TPH2: variants seen among roughly 807,000 people sequenced by gnomAD.
The protein encoded by TPH2 is tryptophan hydroxylase 2.
TPH2 carries 27 observed loss-of-function variants against 59.1 expected under a neutral mutation model. That is an observed-to-expected ratio of 0.46 (90% CI 0.34 to 0.63). The LOEUF (loss-of-function observed/expected upper bound fraction) is 0.63. TPH2 is among the 30% of genes least tolerant of loss of function. The pLI is 0.01. For synonymous variants in TPH2, 220 were observed against 210.5 expected, an observed-to-expected ratio of 1.05 and a Z score of -0.39; for missense variants, 523 against 588.3, an observed-to-expected ratio of 0.89 and a Z score of 1.15.
At chr12:71,999,306 A>AGAAATGGT (rs1872765330) in intron 8 of TPH2, among the ~76,000 whole-genome samples, 1 of 152,208 alleles carries the variant, frequency 6.6e-6, no homozygotes, top group Non-Finnish European at 1.5e-5. Context: ...ATTTAAATGA[A>AGAAATGGT]CTCTTTTGTA....
chr12:71,954,403 A>G (rs1871436869), intron 5 of TPH2, among the ~76,000 whole-genome samples: 1 of 152,188 alleles, frequency 6.6e-6, no homozygotes, highest in African/African-American at 2.4e-5. Flanking sequence ...TCGAGAGGAC[A>G]CTTTCTAAAA....
intron 8 of TPH2, among the ~76,000 whole-genome samples, chr12:72,005,742 A>T (rs1872939364): frequency 1.3e-5 from 2 of 152,210 alleles, no homozygotes; most frequent in African/African-American, 2.4e-5. Flanking sequence ...GCTGTGGCTG[A>T]TAAGTTTTGT....
At chr12:71,940,552 C>G (rs1263990056) in intron 1 of TPH2, among the ~76,000 whole-genome samples, 1 of 152,100 alleles carries the variant, frequency 6.6e-6, no homozygotes, top group Non-Finnish European at 1.5e-5. Context: ...CACCATTTGC[C>G]AGGAGTTACT....
chr12:71,946,424 T>G (rs187500356), intron 4 of TPH2, among the ~76,000 whole-genome samples: 14 of 152,220 alleles, frequency 9.2e-5, no homozygotes, highest in Non-Finnish European at 2.1e-4. Context: ...GAGAAAAAAT[T>G]TATTCCAATA....
At chr12:71,959,963 T>G (rs1444091453) in intron 5 of TPH2, among the ~76,000 whole-genome samples, 1 of 152,200 alleles carries the variant, frequency 6.6e-6, no homozygotes, top group Non-Finnish European at 1.5e-5. Flanking sequence ...AAGGCAAATA[T>G]GTTTTCTCCC....
At chr12:72,023,919 A>G (rs1873499376) in intron 9 of TPH2, among the ~76,000 whole-genome samples, 1 of 152,066 alleles carries the variant, frequency 6.6e-6, no homozygotes, top group South Asian at 2.1e-4. Context: ...TGTAATGCTC[A>G]TAAGAACCCA....
intron 8 of TPH2, among the ~76,000 whole-genome samples, chr12:72,006,135 G>T (rs1263376801): frequency 6.6e-6 from 1 of 152,106 alleles, no homozygotes; most frequent in African/African-American, 2.4e-5. Context: ...ATAGTATAGT[G>T]GGTAATTCAG....
At chr12:71,961,649 G>C (rs968391645) in intron 5 of TPH2, 1 of 1,351,972 alleles carries the variant, frequency 7.4e-7, no homozygotes, top group Non-Finnish European at 9.8e-7. Flanking sequence ...TGTTGAGCGT[G>C]CACATATTGA....
At position 71,972,677 on chromosome 12, in the gene TPH2, A is replaced by G. The variant is rs2139203738; in HGVS notation, c.767A>G (p.Asn256Ser). The change falls in exon 6 of 11, where the codon AAT becomes AGT. Residue 256 changes from asparagine (N) to serine (S), a missense_variant. Asn to Ser is a conservative substitution (Grantham distance 46). Transcript: ENST00000333850. ...LTKYCGYREDNVPQLEDVSMF... is the reference protein window; with the variant it reads ...LTKYCGYREDSVPQLEDVSMF... ...AAATACTGTGGCTACAGAGAGGACA[A>G]TGTGCCTCAACTCGAAGATGTCTCC... The G allele has an allele frequency of 1.2e-6, 2 of 1,614,198 alleles. No homozygotes were observed. The highest frequency in any genetic ancestry group is 1.7e-6 in the Non-Finnish European group (2 of 1,180,036).
intron 8 of TPH2, among the ~76,000 whole-genome samples, chr12:71,998,389 G>A (rs1242208350): frequency 6.6e-6 from 1 of 152,130 alleles, no homozygotes; most frequent in African/African-American, 2.4e-5. Flanking sequence ...GTGTGAGGAG[G>A]CTAAGGGAGA....
At chr12:71,986,783 A>G (rs1339361351) in intron 7 of TPH2, among the ~76,000 whole-genome samples, 1 of 152,114 alleles carries the variant, frequency 6.6e-6, no homozygotes, top group East Asian at 1.9e-4. Flanking sequence ...ATATTCCTTC[A>G]GCACTCTGTA....
At chr12:72,015,298 TG>T (rs1423787458) in intron 8 of TPH2, among the ~76,000 whole-genome samples, 8 of 146,110 alleles carry the variant, frequency 5.5e-5, no homozygotes, top group African/African-American at 1.8e-4. Context: ...CCCTTTTATG[TG>T]GTTTTTTTTT....
chr12:71,985,237 A>G (rs1159953663), intron 7 of TPH2, among the ~76,000 whole-genome samples: 1 of 152,240 alleles, frequency 6.6e-6, no homozygotes, highest in African/African-American at 2.4e-5. Context: ...CTTCAGGAGT[A>G]ATGCCAGCAC....
At chr12:71,996,801 G>A (rs772205382) in intron 8 of TPH2, among the ~76,000 whole-genome samples, 12 of 152,298 alleles carry the variant, frequency 7.9e-5, no homozygotes, top group Non-Finnish European at 1.0e-4. Flanking sequence ...TTCTAAAACA[G>A]TGACATGAAT....
At position 72,031,677 on chromosome 12, in the gene TPH2, C is replaced by A; in HGVS notation, c.1455C>A (p.Asn485Lys). Residue 485 changes from asparagine (N) to lysine (K), a missense_variant, in exon 11 of 11, where the codon AAC (asparagine) becomes AAA (lysine). Coordinates refer to ENST00000333850, the MANE Select transcript of TPH2 (RefSeq NM_173353.4). ...NTVCDALNKM[N>K]QYLGI The stretch of plus-strand genomic sequence containing the variant: ...TGTGTGATGCTTTAAACAAAATGAA[C>A]CAATATCTGGGGATTTGATGCCTGG... 2 of 1,613,418 alleles carry A rather than the reference C, an allele frequency of 1.2e-6. No individual in the cohort carries two copies. Among genetic ancestry groups the A allele is most frequent in the East Asian group, 2.2e-5 (1 of 44,874 alleles).
At position 71,938,968 on chromosome 12, in the gene TPH2, G is replaced by T. The variant is rs757212713; in HGVS notation, c.-19G>T. 3.7e-6 allele frequency: 6 copies of T among 1,605,146 alleles called. No individual in the cohort carries two copies. The highest frequency in any genetic ancestry group is 5.1e-6 in the Non-Finnish European group (6 of 1,172,048). On this transcript the variant is annotated 5_prime_UTR_variant, in exon 1 of 11. Coordinates refer to ENST00000333850, the MANE Select transcript of TPH2 (RefSeq NM_173353.4). ...TCTAGTACCCCCTGCTGCAGAGAAA[G>T]AATATTACACCGGGATCCATGCAGC...
At chr12:72,021,385 GTGTGTGTGTGTA>G (rs1208117047) in intron 8 of TPH2, among the ~76,000 whole-genome samples, 4 of 150,224 alleles carry the variant, frequency 2.7e-5, no homozygotes, top group Admixed American at 1.3e-4. Flanking sequence ...GTGTGTGTGT[GTGTGTGTGTGTA>G]TGTGTGTATA....
chr12:71,961,490 C>A, intron 5 of TPH2: 1 of 1,325,830 alleles, frequency 7.5e-7, no homozygotes, highest in Non-Finnish European at 1.0e-6. Flanking sequence ...CTCTTTCAAA[C>A]AAGGTGCAAG....
Position 71,939,095 on chromosome 12 carries a change from A to T in TPH2, c.105+4A>T, listed in dbSNP as rs1439862518. ...TCAGCTACTTGGCAGCTCAACAGTGAGTACTACGTACCTGGCACTATGGAG... is the reference window on the plus strand; with the variant it reads ...TCAGCTACTTGGCAGCTCAACAGTGTGTACTACGTACCTGGCACTATGGAG... On this transcript the variant is annotated splice_donor_region_variant and intron_variant, in intron 1 of 10. Transcript: ENST00000333850. 5.0e-6 allele frequency: 8 copies of T among 1,608,242 alleles called. No homozygotes were observed. Among genetic ancestry groups the T allele is most frequent in the Non-Finnish European group, 6.0e-6 (7 of 1,175,110 alleles).
Sources: allele counts gnomAD v4.1 joint callset (sites outside exome capture counted in the v4.1 genomes callset), GRCh38; gene constraint gnomAD v4.1.1; transcripts MANE v1.5; gene names NCBI Gene and HGNC (gene_info 2026-07-23, HGNC 2026-07-21).